The following CABP1 variants were observed in gnomAD, a reference collection of about 807,000 sequenced individuals.
CABP1 encodes calcium binding protein 1.
In CABP1, 17 loss-of-function variants were observed where a neutral mutation model predicts 34.3. That is an observed-to-expected ratio of 0.50 (90% CI 0.34 to 0.74). The LOEUF (loss-of-function observed/expected upper bound fraction) is 0.74. Ranked by LOEUF, CABP1 falls within the 30% of genes least tolerant of loss-of-function variation. The probability of loss-of-function intolerance (pLI) is 0.01; values close to 1 mark genes in which losing one functional copy is unlikely to be tolerated. For missense variants in CABP1, 373 were observed against 511.1 expected (o/e 0.73, Z 2.61); for synonymous variants, 198 against 229.2 (o/e 0.86, Z 1.23).
chr12:120,650,619 G>A, intron 1 of CABP1: 1 of 1,613,932 alleles, frequency 6.2e-7, no homozygotes, highest in Non-Finnish European at 8.5e-7. Context: ...GATCCCAAGA[G>A]GGGCTGCCTC....
the CABP1 span, among the ~76,000 whole-genome samples, chr12:120,679,383 GCTTCTCAT>G: frequency 1.3e-5 from 2 of 152,184 alleles, no homozygotes; most frequent in African/African-American, 4.8e-5. Flanking sequence ...CTGAGCTTTA[GCTTCTCAT>G]CTGCAAAAAA....
intron 5 of CABP1, among the ~76,000 whole-genome samples, chr12:120,664,958 T>C (rs1163847686): frequency 2.0e-5 from 3 of 151,512 alleles, no homozygotes; most frequent in African/African-American, 7.3e-5. Flanking sequence ...CACATGCATA[T>C]TACTAAGTGA....
At position 120,660,126 on chromosome 12, in the gene CABP1, G is replaced by C. The variant is rs997969386; in HGVS notation, c.686-70G>C. 1.6e-5 allele frequency: 25 copies of C among 1,586,278 alleles called. No homozygotes were observed. Among genetic ancestry groups the C allele is most frequent in the Non-Finnish European group, 5.2e-6 (6 of 1,162,444 alleles). On this transcript the variant is annotated intron_variant, in intron 2 of 5. Coordinates refer to ENST00000316803, the MANE Select transcript of CABP1 (RefSeq NM_001033677.2). The surrounding 1 kb of genome is among the most constrained non-coding windows in gnomAD (Gnocchi z 5.0). ...CTCTTTCCATGCCGGTGGGCCTTTG[G>C]GCTGCCTTTGCCCACAGAGGCTCTG...
chr12:120,658,867 T>C (rs182436175), intron 1 of CABP1: 5 of 152,432 alleles, frequency 3.3e-5, no homozygotes, highest in Admixed American at 3.3e-4. Flanking sequence ...AGCTGCAACA[T>C]GCGGGAGGCT....
At chr12:120,673,547 C>T in the CABP1 span, among the ~76,000 whole-genome samples, 1 of 151,764 alleles carries the variant, frequency 6.6e-6, no homozygotes, top group Non-Finnish European at 1.5e-5. Flanking sequence ...TCGTGCCACT[C>T]ACTGCACTCC....
chr12:120,649,678 G>C (rs1215441003), intron 1 of CABP1, among the ~76,000 whole-genome samples: 2 of 152,150 alleles, frequency 1.3e-5, no homozygotes, highest in Non-Finnish European at 2.9e-5. Flanking sequence ...CTCTCTGCCT[G>C]CGCTGCCTCC....
At chr12:120,662,714 C>T (rs1251154734) in intron 5 of CABP1, among the ~76,000 whole-genome samples, 11 of 140,240 alleles carry the variant, frequency 7.8e-5, no homozygotes, top group African/African-American at 2.9e-4. Context: ...GACAAAGTCT[C>T]GCTCTTGTAC....
intron 5 of CABP1, among the ~76,000 whole-genome samples, chr12:120,664,544 C>T (rs1303632854): frequency 6.6e-6 from 1 of 152,118 alleles, no homozygotes; most frequent in Non-Finnish European, 1.5e-5. Context: ...TAAACGGGGG[C>T]ACATCCAGAC....
chr12:120,654,974 A>T (rs1215008933), intron 1 of CABP1, among the ~76,000 whole-genome samples: 1 of 152,138 alleles, frequency 6.6e-6, no homozygotes, highest in African/African-American at 2.4e-5. Context: ...GGCGGGAGGG[A>T]GGAAAAGGAG....
chr12:120,655,994 G>A, intron 1 of CABP1: 2 of 1,576,310 alleles, frequency 1.3e-6, no homozygotes, highest in South Asian at 1.1e-5. Flanking sequence ...GACTCTCAGG[G>A]TCCCCTCTTG....
At chr12:120,671,559 C>T (rs766717042), downstream of CABP1, among the ~76,000 whole-genome samples, 21 of 152,210 alleles carry the variant, frequency 1.4e-4, no homozygotes, top group Non-Finnish European at 2.8e-4. Context: ...CCCATCCCTC[C>T]GCAGACCTTG....
intron 1 of CABP1, among the ~76,000 whole-genome samples, chr12:120,643,591 T>G (rs1401566453): frequency 6.6e-6 from 1 of 152,234 alleles, no homozygotes; most frequent in Non-Finnish European, 1.5e-5. Context: ...GTCTATTTCT[T>G]TTTTAAAAAA....
chr12:120,678,497 T>C, the CABP1 span, among the ~76,000 whole-genome samples: 1 of 152,180 alleles, frequency 6.6e-6, no homozygotes, highest in African/African-American at 2.4e-5. Flanking sequence ...TATAATTATT[T>C]CTTCATACAT....
At chr12:120,672,096 G>A (rs1459685161), downstream of CABP1, among the ~76,000 whole-genome samples, 2 of 151,976 alleles carry the variant, frequency 1.3e-5, no homozygotes, top group African/African-American at 4.8e-5. Flanking sequence ...ATACCAGAAA[G>A]CCAGACATTA....
chr12:120,656,342 GA>G, intron 1 of CABP1: 2 of 1,414,118 alleles, frequency 1.4e-6, no homozygotes, highest in Non-Finnish European at 1.9e-6. Context: ...CTGGGATGAA[GA>G]AGGGGTCTAT....
At chr12:120,647,559 C>G (rs1243642829) in intron 1 of CABP1, among the ~76,000 whole-genome samples, 3 of 122,962 alleles carry the variant, frequency 2.4e-5, no homozygotes, top group South Asian at 5.5e-4. Flanking sequence ...TCAGTCCAAG[C>G]CTTTTTTTTT....
At chr12:120,658,088 C>CTTTTT (rs140287793) in intron 1 of CABP1, among the ~76,000 whole-genome samples, 5 of 86,226 alleles carry the variant, frequency 5.8e-5, no homozygotes, top group African/African-American at 1.8e-4. Flanking sequence ...CCATCACCAG[C>CTTTTT]TTTTTTTTTT....
intron 1 of CABP1, chr12:120,655,499 T>G: frequency 2.7e-6 from 3 of 1,109,252 alleles, no homozygotes; most frequent in Non-Finnish European, 2.2e-6. Flanking sequence ...GCCTGCTTCA[T>G]TTATGTCAGC....
intron 1 of CABP1, among the ~76,000 whole-genome samples, chr12:120,654,519 AG>A (rs1880042740): frequency 6.6e-6 from 1 of 152,226 alleles, no homozygotes; most frequent in African/African-American, 2.4e-5. Flanking sequence ...ATGGAAGGAT[AG>A]GGTGCGCAGA....
Sources: allele counts gnomAD v4.1 joint callset (sites outside exome capture counted in the v4.1 genomes callset), GRCh38; gene constraint gnomAD v4.1.1; non-coding constraint Gnocchi (gnomAD v3.1); transcripts MANE v1.5; gene names NCBI Gene and HGNC (gene_info 2026-07-23, HGNC 2026-07-21).